Variants in CLIC5 observed in about 807,000 individuals in gnomAD.
CLIC5 encodes CLIC family member 5, also known as chloride intracellular channel protein 5.
CLIC5 carries 20 observed loss-of-function variants against 24.7 expected under a neutral mutation model. The observed-to-expected ratio is 0.81, with a 90% CI of 0.57 to 1.18. The LOEUF is 1.18. CLIC5 is among the 50% of genes most tolerant of loss of function. The pLI is 0.00. For synonymous variants in CLIC5, 159 were observed against 135.6 expected (o/e 1.17, Z -1.20); for missense variants, 341 against 326.1 (o/e 1.05, Z -0.35).
intron 4 of CLIC5, among the ~76,000 whole-genome samples, chr6:45,936,434 A>G (rs1194142286): frequency 6.6e-6 from 1 of 151,390 alleles, no homozygotes; most frequent in East Asian, 1.9e-4. Flanking sequence ...CGAACTCCCA[A>G]CCTCCGGTCA....
intron 1 of CLIC5, among the ~76,000 whole-genome samples, chr6:46,056,846 C>T (rs886687253): frequency 1.3e-5 from 2 of 152,102 alleles, no homozygotes; most frequent in Admixed American, 6.5e-5. Flanking sequence ...TACTCATATG[C>T]CTTCCTGCCT....
intron 6 of CLIC5, among the ~76,000 whole-genome samples, chr6:45,890,052 C>T (rs1434347616): frequency 6.6e-6 from 1 of 152,126 alleles, no homozygotes; most frequent in Non-Finnish European, 1.5e-5. Flanking sequence ...TGAGAAATGT[C>T]CATTCAAGTT....
At chr6:46,086,195 C>G in the CLIC5 span, among the ~76,000 whole-genome samples, 1 of 152,384 alleles carries the variant, frequency 6.6e-6, no homozygotes, top group African/African-American at 2.4e-5. Flanking sequence ...CTTTGCGCTT[C>G]CTGAGTGAGG....
chr6:46,111,862 T>G, the CLIC5 span, among the ~76,000 whole-genome samples: 1 of 152,126 alleles, frequency 6.6e-6, no homozygotes, highest in Non-Finnish European at 1.5e-5. Flanking sequence ...TGAATAAGTC[T>G]CATGAGATCT....
intron 1 of CLIC5, among the ~76,000 whole-genome samples, chr6:45,995,685 A>G (rs1180122880): frequency 6.6e-6 from 1 of 152,222 alleles, no homozygotes; most frequent in African/African-American, 2.4e-5. Context: ...GATCTATAAG[A>G]TTCAAAAGAA....
At chr6:45,938,733 G>A (rs944858748) in intron 4 of CLIC5, among the ~76,000 whole-genome samples, 4 of 152,162 alleles carry the variant, frequency 2.6e-5, no homozygotes, top group African/African-American at 9.7e-5. Context: ...TGGATAATAT[G>A]TAAACACCAT....
chr6:46,049,397 C>T, intron 1 of CLIC5, among the ~76,000 whole-genome samples: 1 of 152,194 alleles, frequency 6.6e-6, no homozygotes, highest in East Asian at 1.9e-4. Context: ...AGAAATTAAT[C>T]CCTCTCCCTG....
chr6:46,077,399 C>T (rs7768892), intron 1 of CLIC5, among the ~76,000 whole-genome samples: 25,049 of 151,730 alleles, frequency 0.17, 2,968 homozygotes, highest in East Asian at 0.4. Flanking sequence ...ACTGAAAAGC[C>T]GTAAGCCCTA....
intron 1 of CLIC5, among the ~76,000 whole-genome samples, chr6:46,072,810 G>A (rs191995343): frequency 6.6e-4 from 100 of 152,248 alleles, no homozygotes; most frequent in Non-Finnish European, 1.2e-3. Flanking sequence ...TACCCAGGCA[G>A]GGAAAGTGGA....
chr6:45,946,090 G>C (rs1026061410), intron 3 of CLIC5, among the ~76,000 whole-genome samples: 1 of 152,202 alleles, frequency 6.6e-6, no homozygotes, highest in African/African-American at 2.4e-5. Flanking sequence ...TCATTTTAGA[G>C]ATGAGAAGGC....
At chr6:46,010,739 C>T (rs968384104) in intron 1 of CLIC5, among the ~76,000 whole-genome samples, 37 of 152,200 alleles carry the variant, frequency 2.4e-4, no homozygotes, top group African/African-American at 6.5e-4. Context: ...CAACTCTTGA[C>T]GCTAGCTCTC....
At chr6:46,008,464 C>T (rs1766671899) in intron 1 of CLIC5, among the ~76,000 whole-genome samples, 1 of 152,302 alleles carries the variant, frequency 6.6e-6, no homozygotes, top group South Asian at 2.1e-4. Context: ...TCCTGTCACT[C>T]ATGTGCCACT....
At position 46,003,547 on chromosome 6, in the gene CLIC5, C is replaced by T. The variant is rs551267187; in HGVS notation, c.63+11933G>A. On this transcript the variant is annotated intron_variant, in intron 1 of 5. Coordinates refer to ENST00000339561, the MANE Select transcript of CLIC5 (RefSeq NM_016929.5). ...ATAAAATGACTGAGATGTTATATAC[C>T]TTGGGGTGACCTGAGAGCAGTAGAA... is the stretch of plus-strand genomic sequence containing the variant. 5.3e-4 allele frequency among the ~76,000 whole-genome samples: 81 copies of T among 152,226 alleles called. 3 individuals are homozygous for T. In the South Asian group the frequency reaches 0.016, roughly 30 times the overall value.
intron 2 of CLIC5, among the ~76,000 whole-genome samples, chr6:45,953,639 TG>T (rs1216477149): frequency 6.6e-6 from 1 of 151,104 alleles, no homozygotes; most frequent in Non-Finnish European, 1.5e-5. Flanking sequence ...GGGCTTCGGA[TG>T]CATCAAGTCC....
downstream of CLIC5, among the ~76,000 whole-genome samples, chr6:45,895,626 C>T (rs1025379128): frequency 5.9e-5 from 9 of 152,136 alleles, no homozygotes; most frequent in South Asian, 2.1e-4. Flanking sequence ...TCCAGTCAAC[C>T]ACTAATAAAT....
intron 1 of CLIC5, among the ~76,000 whole-genome samples, chr6:46,068,005 C>T (rs1762490436): frequency 6.6e-6 from 1 of 152,034 alleles, no homozygotes; most frequent in African/African-American, 2.4e-5. Flanking sequence ...ATGAAATCAT[C>T]CTGAGTTAAG....
chr6:46,051,596 A>G (rs1047986439), intron 1 of CLIC5, among the ~76,000 whole-genome samples: 1 of 152,206 alleles, frequency 6.6e-6, no homozygotes, highest in African/African-American at 2.4e-5. Flanking sequence ...TGACTGGGCA[A>G]CCAGCCACAT....
downstream of CLIC5, among the ~76,000 whole-genome samples, chr6:45,897,575 T>C (rs891751985): frequency 1.3e-5 from 2 of 152,146 alleles, no homozygotes; most frequent in African/African-American, 4.8e-5. Context: ...CCCATCAAGA[T>C]CCACCCCTGG....
At chr6:46,093,474 C>G in the CLIC5 span, among the ~76,000 whole-genome samples, 18 of 152,302 alleles carry the variant, frequency 1.2e-4, no homozygotes, top group South Asian at 2.1e-4. Context: ...CACAGTCTGA[C>G]TAGGAAAGTC....
Sources: gnomAD v4.1 joint callset for allele counts (sites outside exome capture counted in the v4.1 genomes callset) on GRCh38, gnomAD v4.1.1 for gene constraint, MANE v1.5 for transcripts, NCBI Gene and HGNC (gene_info 2026-07-23, HGNC 2026-07-21) for gene names.